ZNF578: variants seen among roughly 807,000 people sequenced by gnomAD.
ZNF578 encodes the protein zinc finger protein 578, also known as Putative chemokine-related protein B42.
Under a neutral mutation model 8.3 loss-of-function variants are expected in ZNF578, and 8 were observed. The ratio of observed to expected loss-of-function variants is 0.96; its 90% confidence interval spans 0.56 to 1.74. The LOEUF (loss-of-function observed/expected upper bound fraction) is 1.74. Ranked by LOEUF, ZNF578 falls within the 40% of genes most tolerant of loss-of-function variation. ZNF578 has a pLI of 0.00. For missense variants in ZNF578, 726 were observed against 707.5 expected (o/e 1.03, Z -0.30); for synonymous variants, 206 against 232.2 (o/e 0.89, Z 1.03).
chr19:52,508,861 C>A (rs1358348841), intron 5 of ZNF578, among the ~76,000 whole-genome samples: 1 of 147,898 alleles, frequency 6.8e-6, no homozygotes. Flanking sequence ...TAGTTGTGAC[C>A]TCATAATTGC....
chr19:52,485,170 C>T (rs2059340529), intron 2 of ZNF578, among the ~76,000 whole-genome samples: 2 of 152,026 alleles, frequency 1.3e-5, no homozygotes, highest in Non-Finnish European at 2.9e-5. Flanking sequence ...AACCCTCACA[C>T]CACCTCTGGT....
rs1301134040 is a variant in ZNF578 at position 52,496,324 on chromosome 19, T to TATTTATTTATTTATTTA, written c.-20+4899_-20+4900insATTTATTTATTTATTTA. On this transcript the variant is annotated intron_variant, in intron 3 of 5. Coordinates refer to ENST00000421239, the MANE Select transcript of ZNF578 (RefSeq NM_001099694.2). ...AGCCACCACGCTCGGCCTCATTTGTTGTTATTTATTTATTTATTTATTTGA... is the reference window on the plus strand; with the variant it reads ...AGCCACCACGCTCGGCCTCATTTGTTATTTATTTATTTATTTAGTTATTTATTTATTTATTTATTTGA... Among the ~76,000 whole-genome samples the TATTTATTTATTTATTTA allele has an allele frequency of 5.1e-3, 635 of 123,342 alleles. 4 individuals carry two copies. Among genetic ancestry groups the TATTTATTTATTTATTTA allele is most frequent in the Non-Finnish European group, 8.7e-3 (472 of 53,980 alleles). 80.9% of individuals were successfully genotyped at this position (123,342 alleles called of 152,430 possible).
intron 2 of ZNF578, among the ~76,000 whole-genome samples, chr19:52,488,747 G>A (rs2059354795): frequency 6.6e-6 from 1 of 151,382 alleles, no homozygotes; most frequent in Non-Finnish European, 1.5e-5. Context: ...TTGCGTCACT[G>A]CACACCAGCC....
chr19:52,501,784 G>C lies in ZNF578; in HGVS notation c.-19-43G>C, dbSNP rs1349841915. The C allele has an allele frequency of 1.1e-5, 18 of 1,595,898 alleles. No individual in the cohort carries two copies. In the East Asian group the frequency reaches 4.0e-4, roughly 36 times the overall value. ...TGTGTTTTTATCACAGGAAGGGAGT[G>C]AGTCATATCTAACCTGAAGTCTTAT... On this transcript the variant is annotated intron_variant, in intron 3 of 5. Transcript: ENST00000421239.
At chr19:52,486,586 A>G (rs1435148765) in intron 2 of ZNF578, among the ~76,000 whole-genome samples, 1 of 152,192 alleles carries the variant, frequency 6.6e-6, no homozygotes, top group African/African-American at 2.4e-5. Flanking sequence ...GAGGCTCATC[A>G]GAGTGAGGGA....
rs766014207 is a variant in ZNF578, at chr19:52,501,899, T to C, written c.54T>C (p.Ala18=). The C allele has an allele frequency of 1.2e-5, 20 of 1,613,184 alleles. No individual in the cohort carries two copies. The highest frequency in any genetic ancestry group is 2.7e-5 in the African/African-American group (2 of 74,922). Residue 18 remains alanine (A), a synonymous_variant, in exon 4 of 6, where the codon GCT becomes GCC. Coordinates refer to ENST00000421239, the MANE Select transcript of ZNF578 (RefSeq NM_001099694.2). The part of the protein sequence containing the change: ...QKRKGKEPGM[A]LPQGRLTFRD... ...GGAAAGGAAAGGAGCCAGGCATGGC[T>C]CTTCCTCAGGTGAAGTGATATTCCT...
rs2123015488 is a variant in ZNF578 at position 52,515,686 on chromosome 19, G to A, written c.*3532G>A. The stretch of plus-strand genomic sequence containing the variant: ...AGAAAAGGTCAACCCGAGTGTCCCT[G>A]ACCGTTGAAATGATTGGCAAAATGG... On this transcript the variant is annotated 3_prime_UTR_variant, in exon 6 of 6. Transcript: ENST00000421239. Among the ~76,000 whole-genome samples the A allele has an allele frequency of 6.6e-6, 1 of 151,696 alleles. No homozygotes were observed. The highest frequency in any genetic ancestry group is 6.6e-5 in the Admixed American group (1 of 15,246).
At chr19:52,477,387 T>A (rs1482885746) in intron 2 of ZNF578, among the ~76,000 whole-genome samples, 1 of 152,044 alleles carries the variant, frequency 6.6e-6, no homozygotes, top group African/African-American at 2.4e-5. Context: ...CCCTTCTCAT[T>A]TCCTGATGGG....
chr19:52,487,930 C>T (rs553839866), intron 2 of ZNF578, among the ~76,000 whole-genome samples: 60 of 151,230 alleles, frequency 4.0e-4, no homozygotes, highest in African/African-American at 1.4e-3. Context: ...AGGGATGGCC[C>T]GTGGCATCTG....
intron 2 of ZNF578, among the ~76,000 whole-genome samples, chr19:52,488,607 TCAAAA>T (rs2059354168): frequency 6.8e-6 from 1 of 147,756 alleles, no homozygotes; most frequent in Non-Finnish European, 1.5e-5. Flanking sequence ...AGACTCCATC[TCAAAA>T]CAAACAAACA....
chr19:52,491,684 C>T (rs947656825), intron 3 of ZNF578, among the ~76,000 whole-genome samples: 5 of 151,692 alleles, frequency 3.3e-5, no homozygotes, highest in African/African-American at 1.2e-4. Context: ...AACTGCACCC[C>T]AGCATGGGCC....
chr19:52,504,831 G>A (rs2059419821), intron 5 of ZNF578, 50 bp downstream of exon 5: 1 of 1,602,004 alleles, frequency 6.2e-7, no homozygotes, highest in African/African-American at 1.3e-5. Context: ...TGTCTGTCTT[G>A]GCTCTTCCTG....
intron 2 of ZNF578, among the ~76,000 whole-genome samples, chr19:52,464,363 C>CGG (rs1331846148): frequency 6.6e-6 from 1 of 152,150 alleles, no homozygotes; most frequent in African/African-American, 2.4e-5. Context: ...CCCCTCAATA[C>CGG]TGAGAAGAGA....
In ZNF578 at chr19:52,514,066, T is replaced by A. The variant is rs917130943; in HGVS notation, c.*1912T>A. On this transcript the variant is annotated 3_prime_UTR_variant, in exon 6 of 6. Coordinates refer to ENST00000421239, the MANE Select transcript of ZNF578 (RefSeq NM_001099694.2). The stretch of plus-strand genomic sequence containing the variant: ...AAAACAGACATCAAAAATGCTTTTG[T>A]TCTCGTTGTGTCATAGACTTCCCTT... Among the ~76,000 whole-genome samples the A allele has an allele frequency of 2.6e-5, 4 of 152,176 alleles. No homozygotes were observed. The highest frequency in any genetic ancestry group is 9.7e-5 in the African/African-American group (4 of 41,418).
At chr19:52,501,049 T>G (rs1344992192) in intron 3 of ZNF578, among the ~76,000 whole-genome samples, 1 of 152,064 alleles carries the variant, frequency 6.6e-6, no homozygotes, top group Non-Finnish European at 1.5e-5. Context: ...CAGCTAATTT[T>G]TGTACTTTTA....
In ZNF578 at chr19:52,515,909, G is replaced by A. The variant is rs907305196; in HGVS notation, c.*3755G>A. ...CACAGCAAAATCTAAAGCAGGTCAC[G>A]TCAATCCCTGGCAGGGAACCCTCCA... On this transcript the variant is annotated 3_prime_UTR_variant, in exon 6 of 6. Transcript: ENST00000421239. Among the ~76,000 whole-genome samples, 2 of 152,160 alleles carry A rather than the reference G, an allele frequency of 1.3e-5. No individual in the cohort carries two copies. Among genetic ancestry groups the A allele is most frequent in the East Asian group, 1.9e-4 (1 of 5,160 alleles).
chr19:52,496,604 C>T (rs2059387674), intron 3 of ZNF578, among the ~76,000 whole-genome samples: 1 of 150,886 alleles, frequency 6.6e-6, no homozygotes, highest in Admixed American at 6.6e-5. Flanking sequence ...GCTGGGATTA[C>T]AGGCGTGAGC....
At chr19:52,473,728 T>G in intron 2 of ZNF578, 1 of 266,368 alleles carries the variant, frequency 3.8e-6, no homozygotes, top group Non-Finnish European at 7.2e-6. Flanking sequence ...ATTCCTTACA[T>G]GTATAAGGTT....
At chr19:52,493,083 G>GTATA (rs2059372106) in intron 3 of ZNF578, among the ~76,000 whole-genome samples, 1 of 152,140 alleles carries the variant, frequency 6.6e-6, no homozygotes, top group African/African-American at 2.4e-5. Flanking sequence ...GTAGGGCAGT[G>GTATA]TATACACTTC....
Sources: allele counts gnomAD v4.1 joint callset (sites outside exome capture counted in the v4.1 genomes callset), GRCh38; gene constraint gnomAD v4.1.1; transcripts MANE v1.5; gene names NCBI Gene and HGNC (gene_info 2026-07-23, HGNC 2026-07-21).